SMCHD1: variants seen among roughly 807,000 people sequenced by gnomAD.
The protein encoded by SMCHD1 is structural maintenance of chromosomes flexible hinge domain-containing protein 1.
In SMCHD1, 78 loss-of-function variants were observed where a neutral mutation model predicts 254.7. The ratio of observed to expected loss-of-function variants is 0.31; its 90% CI spans 0.26 to 0.37. The LOEUF is 0.37. Among genes scored for constraint, SMCHD1 ranks in the 10% least tolerant of loss-of-function variants. The probability of loss-of-function intolerance (pLI) is 1.00; values close to 1 mark genes in which losing one functional copy is unlikely to be tolerated. For missense variants in SMCHD1, 1,840 were observed against 2,408.1 expected (o/e 0.76, Z 4.94); for synonymous variants, 766 against 794.9 (o/e 0.96, Z 0.61).
At position 2,775,883 on chromosome 18, in the gene SMCHD1, C is replaced by T. The variant is rs2143771828; in HGVS notation, c.5325C>T (p.Pro1775=). 1 of 1,605,244 alleles carries T rather than the reference C, an allele frequency of 6.2e-7. No homozygotes were observed. Among genetic ancestry groups the T allele is most frequent in the African/African-American group, 1.3e-5 (1 of 74,294 alleles). The change falls in exon 42 of 48, where the codon CCC becomes CCT. Residue 1775 remains proline (P), a synonymous_variant. Transcript: ENST00000320876. ...CCCAAGGTCGTCAGCAGGTGTTGCC[C>T]CTTGATTCTATTTACAAGAAGACTC... is the stretch of plus-strand genomic sequence containing the variant. The part of the protein sequence containing the change: ...DETQGRQQVL[P]LDSIYKKTLP...
chr18:2,771,372 T>G (rs956082264), intron 39 of SMCHD1, among the ~76,000 whole-genome samples, 161 bp from the exon 40 acceptor site: 1 of 152,206 alleles, frequency 6.6e-6, no homozygotes, highest in African/African-American at 2.4e-5. Flanking sequence ...AGCCTTAAGA[T>G]GTATAGTTTA....
In SMCHD1 at chr18:2,747,559, CTAT is replaced by C; in HGVS notation, c.3844_3846del (p.Ile1282del). Reference sequence around the variant, plus strand: ...ATTAATGGAAGAGATTTACAGAACCCTATTATTGTTCAACTTTGTGATCAGTGG... The same window carrying C: ...ATTAATGGAAGAGATTTACAGAACCCTATTGTTCAACTTTGTGATCAGTGG... On this transcript the variant is annotated inframe_deletion, in exon 30 of 48. Coordinates refer to ENST00000320876, the MANE Select transcript of SMCHD1 (RefSeq NM_015295.3). The C allele has an allele frequency of 1.2e-6, 2 of 1,608,686 alleles. No homozygotes were observed. Among genetic ancestry groups the C allele is most frequent in the South Asian group, 1.1e-5 (1 of 90,722 alleles).
At chr18:2,714,037 A>G (rs977838142) in intron 17 of SMCHD1, among the ~76,000 whole-genome samples, 3 of 152,268 alleles carry the variant, frequency 2.0e-5, no homozygotes, top group South Asian at 2.1e-4. Context: ...TTTAAATCCA[A>G]TGTTCCTTTG....
rs114313705 is a variant in SMCHD1 at position 2,687,245 on chromosome 18, G to A, written c.639-1149G>A. Among the ~76,000 whole-genome samples, 628 of 152,228 alleles carry A rather than the reference G, an allele frequency of 4.1e-3. 4 individuals carry two copies. Among genetic ancestry groups the A allele is most frequent in the African/African-American group, 0.015 (607 of 41,548 alleles). Reference sequence around the variant, plus strand: ...TGTAGTCCTTAAAAAAATTACTTTTGTATGTGTTGTATTATGGTGACCTCT... The same window carrying A: ...TGTAGTCCTTAAAAAAATTACTTTTATATGTGTTGTATTATGGTGACCTCT... On this transcript the variant is annotated intron_variant, in intron 5 of 47. Coordinates refer to ENST00000320876, the MANE Select transcript of SMCHD1 (RefSeq NM_015295.3).
At chr18:2,800,431 C>G (rs2076339446) in intron 47 of SMCHD1, 1 of 152,144 alleles carries the variant, frequency 6.6e-6, no homozygotes. Context: ...ATGCTGGCCT[C>G]TGGGAACTAA....
chr18:2,724,769 A>T, intron 20 of SMCHD1, 130 bp from the exon 21 acceptor site: 1 of 434,620 alleles, frequency 2.3e-6, no homozygotes, highest in Non-Finnish European at 4.1e-6. Context: ...TTTTCTGTTT[A>T]GTTTTTTATA....
At position 2,729,232 on chromosome 18, in the gene SMCHD1, A is replaced by G. The variant is rs201118414; in HGVS notation, c.2914-43A>G. The G allele has an allele frequency of 5.1e-5, 69 of 1,358,332 alleles. No individual in the cohort carries two copies. In the East Asian group the frequency reaches 1.8e-3, roughly 36 times the overall value. The allele number at this position is 1,358,332 out of a possible 1,614,324, so 84.1% of individuals were successfully genotyped here. A position where few individuals can be genotyped will look rare whatever the true frequency, so the allele number is the denominator to read the frequency against. On this transcript the variant is annotated intron_variant, in intron 23 of 47. Coordinates refer to ENST00000320876, the MANE Select transcript of SMCHD1 (RefSeq NM_015295.3). ...TTGAACAATTACGGAAGAATCAAAT[A>G]TATTTAATAGGGGTCTTACATTATT...
chr18:2,673,930 G>T, intron 4 of SMCHD1, 85 bp from the exon 5 acceptor site: 1 of 1,354,728 alleles, frequency 7.4e-7, no homozygotes, highest in Non-Finnish European at 1.0e-6. Flanking sequence ...TGAGCCTGTT[G>T]AATCATTTTT....
Position 2,749,985 on chromosome 18 carries a change from G to T in SMCHD1, c.3928-58G>T, listed in dbSNP as rs2075540820. The T allele has an allele frequency of 2.1e-6, 3 of 1,409,926 alleles. No individual in the cohort carries two copies. The African/African-American group carries it at 4.3e-5, about 20-fold the overall frequency. 87.3% of individuals were successfully genotyped at this position (1,409,926 alleles called of 1,614,324 possible). ...GAAAGAACATTGTAATGGAAGAAAA[G>T]AACTTGATTGATCTCTAGAATTTTC... On this transcript the variant is annotated intron_variant, in intron 30 of 47. Coordinates refer to ENST00000320876, the MANE Select transcript of SMCHD1 (RefSeq NM_015295.3).
Position 2,700,205 on chromosome 18 carries a change from C to T in SMCHD1, c.1343-334C>T, listed in dbSNP as rs543532469. ...TAAAATTGTGAAACTGTTTTAGATA[C>T]GGGATTTAAGCTCCTATATTTGTAG... On this transcript the variant is annotated intron_variant, in intron 10 of 47. Coordinates refer to ENST00000320876, the MANE Select transcript of SMCHD1 (RefSeq NM_015295.3). 1.1e-4 allele frequency among the ~76,000 whole-genome samples: 16 copies of T among 152,186 alleles called. No homozygotes were observed. In the South Asian group the frequency reaches 1.5e-3, roughly 14 times the overall value.
chr18:2,691,513 A>T (rs1157911717), intron 7 of SMCHD1, among the ~76,000 whole-genome samples: 1 of 152,174 alleles, frequency 6.6e-6, no homozygotes, highest in Non-Finnish European at 1.5e-5. Context: ...TTTTCTAAAG[A>T]TGTGTTATTT....
At chr18:2,785,762 C>T (rs1366392492) in intron 45 of SMCHD1, among the ~76,000 whole-genome samples, 1 of 146,930 alleles carries the variant, frequency 6.8e-6, no homozygotes, top group African/African-American at 2.5e-5. Context: ...TGTATAAACT[C>T]TCCATTGTCC....
intron 17 of SMCHD1, among the ~76,000 whole-genome samples, chr18:2,715,521 A>G (rs758732634): frequency 3.3e-5 from 5 of 151,916 alleles, no homozygotes; most frequent in Non-Finnish European, 7.4e-5. Context: ...TCACTACTTT[A>G]TATTAGTTTT....
At chr18:2,758,157 A>G (rs758259292) in intron 34 of SMCHD1, among the ~76,000 whole-genome samples, 1 of 152,158 alleles carries the variant, frequency 6.6e-6, no homozygotes, top group Non-Finnish European at 1.5e-5. Context: ...TTTAGGTCTT[A>G]CATATACCAA....
intron 1 of SMCHD1, among the ~76,000 whole-genome samples, chr18:2,661,297 TAACA>T (rs1424521877): frequency 1.3e-5 from 2 of 151,994 alleles, no homozygotes; most frequent in Admixed American, 1.3e-4. Flanking sequence ...TATATCTATG[TAACA>T]AACCTGCATG....
intron 24 of SMCHD1, among the ~76,000 whole-genome samples, chr18:2,729,760 G>A (rs2075101222): frequency 1.3e-5 from 2 of 150,440 alleles, no homozygotes; most frequent in Admixed American, 6.6e-5. Flanking sequence ...CTAGGCTGGA[G>A]TGCAGTGGCA....
chr18:2,761,606 C>A (rs2075785315), intron 35 of SMCHD1, among the ~76,000 whole-genome samples: 1 of 152,114 alleles, frequency 6.6e-6, no homozygotes, highest in Non-Finnish European at 1.5e-5. Context: ...CACTTGAGGT[C>A]AAGAGTTCAA....
chr18:2,686,120 CTCT>C (rs2074046255), intron 5 of SMCHD1, among the ~76,000 whole-genome samples: 1 of 152,052 alleles, frequency 6.6e-6, no homozygotes, highest in Non-Finnish European at 1.5e-5. Context: ...CTGATAGGCT[CTCT>C]CTCTTCCCCC....
chr18:2,771,386 T>C, intron 39 of SMCHD1, 147 bp from the exon 40 acceptor site: 1 of 601,698 alleles, frequency 1.7e-6, no homozygotes. Context: ...TAGTTTAATT[T>C]TGAATTTCTG....
Sources: allele counts gnomAD v4.1 joint callset (sites outside exome capture counted in the v4.1 genomes callset), GRCh38; gene constraint gnomAD v4.1.1; transcripts MANE v1.5; gene names NCBI Gene and HGNC (gene_info 2026-07-23, HGNC 2026-07-21).